MEGF9: variants seen among roughly 807,000 people sequenced by gnomAD.
The protein encoded by MEGF9 is multiple EGF like domains 9.
MEGF9 carries 6 observed loss-of-function variants against 46.8 expected under a neutral mutation model. The observed-to-expected ratio is 0.13, with a 90% CI of 0.07 to 0.25. The LOEUF is 0.25. Among genes scored for constraint, MEGF9 ranks in the 10% least tolerant of loss-of-function variants. The probability of loss-of-function intolerance (pLI) is 1.00; values close to 1 mark genes in which losing one functional copy is unlikely to be tolerated. For missense variants in MEGF9, 683 were observed against 792.4 expected, an observed-to-expected ratio of 0.86 and a Z score of 1.66; for synonymous variants, 302 against 330.7, an observed-to-expected ratio of 0.91 and a Z score of 0.94.
chr9:120,669,985 T>G (rs1169278725), intron 1 of MEGF9, among the ~76,000 whole-genome samples: 1 of 152,200 alleles, frequency 6.6e-6, no homozygotes, highest in Admixed American at 6.5e-5. Flanking sequence ...TTGGAATAAT[T>G]CAACAAGTTT....
Position 120,605,176 on chromosome 9 carries a change from A to G in MEGF9, c.*14T>C, listed in dbSNP as rs759691534. On this transcript the variant is annotated 3_prime_UTR_variant, in exon 6 of 6. Coordinates refer to ENST00000373930, the MANE Select transcript of MEGF9 (RefSeq NM_001080497.3). This position sits in a 1 kb window ranked among gnomAD's most constrained non-coding sequence, Gnocchi z 4.0. The stretch of plus-strand genomic sequence containing the variant: ...AAGCACTGTGGTTTAACAATTCAGA[A>G]CAGTTCTAGCTCCTTAGGCTTTGTA... 1.6e-5 allele frequency: 26 copies of G among 1,600,160 alleles called. No individual in the cohort carries two copies. Among genetic ancestry groups the G allele is most frequent in the Non-Finnish European group, 1.7e-5 (20 of 1,172,966 alleles).
chr9:120,625,235 G>A (rs536202020), intron 2 of MEGF9, among the ~76,000 whole-genome samples: 3 of 152,374 alleles, frequency 2.0e-5, no homozygotes, highest in Admixed American at 2.0e-4. Context: ...CCTAGGCAGA[G>A]CTGATTTATC....
At chr9:120,672,503 C>A (rs1162578168) in intron 1 of MEGF9, among the ~76,000 whole-genome samples, 2 of 151,958 alleles carry the variant, frequency 1.3e-5, no homozygotes, top group African/African-American at 4.8e-5. Context: ...TGCCTGTAGT[C>A]TCGGCTATTC....
intron 1 of MEGF9, among the ~76,000 whole-genome samples, chr9:120,700,938 A>C (rs1340671219): frequency 6.6e-6 from 1 of 150,946 alleles, no homozygotes; most frequent in Non-Finnish European, 1.5e-5. Context: ...AATAATAATA[A>C]TAATTAATTT....
chr9:120,703,001 C>T (rs1319943956), intron 1 of MEGF9, among the ~76,000 whole-genome samples: 25 of 152,184 alleles, frequency 1.6e-4, no homozygotes, highest in Non-Finnish European at 1.5e-5. Flanking sequence ...CTTAGCTACC[C>T]TTTCTACAAA....
chr9:120,660,526 A>AT (rs953539868), intron 1 of MEGF9, among the ~76,000 whole-genome samples: 59 of 151,106 alleles, frequency 3.9e-4, no homozygotes, highest in African/African-American at 9.5e-4. Context: ...CATTCTTTCT[A>AT]TTTTTTTTTG....
chr9:120,612,631 GA>G, intron 3 of MEGF9, 92 bp from the exon 4 acceptor site: 1 of 1,161,380 alleles, frequency 8.6e-7, no homozygotes, highest in Non-Finnish European at 1.2e-6. Flanking sequence ...AAGATCATAA[GA>G]AAAAGAAAAA....
intron 2 of MEGF9, among the ~76,000 whole-genome samples, chr9:120,650,037 C>T (rs1587984036): frequency 6.6e-6 from 1 of 152,042 alleles, no homozygotes; most frequent in African/African-American, 2.4e-5. Flanking sequence ...GAGGCTGAGT[C>T]GGGTGGATCA....
Position 120,714,048 on chromosome 9 carries a change from G to A in MEGF9, c.311C>T (p.Pro104Leu). 1.5e-6 allele frequency: 2 copies of A among 1,310,884 alleles called. No homozygotes were observed. Among genetic ancestry groups the A allele is most frequent in the East Asian group, 2.9e-5 (1 of 34,730 alleles). The allele number at this position is 1,310,884 out of a possible 1,614,324, so 81.2% of individuals were successfully genotyped here. A position where few individuals can be genotyped will look rare whatever the true frequency, so the allele number is the denominator to read the frequency against. Residue 104 changes from proline to leucine, a missense_variant, in exon 1 of 6, where the codon CCT (proline) becomes CTT (leucine). By Grantham distance (98) the Pro-to-Leu change is moderately conservative (BLOSUM62 -3). Around this residue, in one of 2 missense-constraint regions of MEGF9, gnomAD observed 370 missense variants for 371.3 expected, o/e 1.00. Coordinates refer to ENST00000373930, the MANE Select transcript of MEGF9 (RefSeq NM_001080497.3). Reference protein sequence around the residue: ...TSPAQSPETTPLWATAGPSST... With the variant: ...TSPAQSPETTLLWATAGPSST... ...AGAGGGTCCAGCAGTCGCCCAAAGA[G>A]GGGTGGTCTCCGGGGACTGGGCTGG...
chr9:120,685,794 A>G (rs948852545), intron 1 of MEGF9, among the ~76,000 whole-genome samples: 6 of 152,218 alleles, frequency 3.9e-5, no homozygotes, highest in African/African-American at 1.4e-4. Flanking sequence ...AGCACTATTC[A>G]CAATACTCAA....
intron 2 of MEGF9, among the ~76,000 whole-genome samples, chr9:120,656,171 A>G (rs536494013): frequency 3.6e-4 from 55 of 152,312 alleles, no homozygotes; most frequent in African/African-American, 1.3e-3. Flanking sequence ...AAATTAGTCA[A>G]GTTAACTATA....
intron 4 of MEGF9, among the ~76,000 whole-genome samples, chr9:120,608,471 T>C (rs2043429880): frequency 6.6e-6 from 1 of 152,200 alleles, no homozygotes; most frequent in African/African-American, 2.4e-5. Flanking sequence ...AAAAACTTCC[T>C]CCATCCCTCC....
chr9:120,677,874 T>A (rs547005490), intron 1 of MEGF9, among the ~76,000 whole-genome samples: 25 of 152,066 alleles, frequency 1.6e-4, no homozygotes, highest in Non-Finnish European at 3.4e-4. Flanking sequence ...GTTTCGAGAG[T>A]ATATTTTATT....
At chr9:120,662,535 G>A (rs1010207237) in intron 1 of MEGF9, among the ~76,000 whole-genome samples, 3 of 152,136 alleles carry the variant, frequency 2.0e-5, no homozygotes, top group South Asian at 2.1e-4. Flanking sequence ...GATTAAATCC[G>A]GCTCTCTCAC....
intron 2 of MEGF9, among the ~76,000 whole-genome samples, chr9:120,658,813 A>G (rs868287455): frequency 6.6e-6 from 1 of 152,206 alleles, no homozygotes; most frequent in Non-Finnish European, 1.5e-5. Flanking sequence ...TCCAAATAAC[A>G]TAATAGTTTA....
chr9:120,646,048 T>C (rs2043625023), intron 2 of MEGF9, among the ~76,000 whole-genome samples: 2 of 152,118 alleles, frequency 1.3e-5, no homozygotes. Context: ...AAGTTCAACT[T>C]AGAAATACAA....
At chr9:120,621,664 A>AT (rs947187127) in intron 3 of MEGF9, among the ~76,000 whole-genome samples, 1 of 151,336 alleles carries the variant, frequency 6.6e-6, no homozygotes, top group African/African-American at 2.4e-5. Context: ...TCCATTGCTC[A>AT]TTTTTTTTCT....
At position 120,601,494 on chromosome 9, in the gene MEGF9, A is replaced by C. The variant is rs1170526653; in HGVS notation, c.*3696T>G. On this transcript the variant is annotated 3_prime_UTR_variant, in exon 6 of 6. Coordinates refer to ENST00000373930, the MANE Select transcript of MEGF9 (RefSeq NM_001080497.3). The stretch of plus-strand genomic sequence containing the variant: ...ACTCAGCTGACCAAAATAAACTAGT[A>C]GGTCAGTGAGTATTGCTTTAATGGT... 1 of 152,220 alleles carries C rather than the reference A, an allele frequency of 6.6e-6. No individual in the cohort carries two copies. Among genetic ancestry groups the C allele is most frequent in the Non-Finnish European group, 1.5e-5 (1 of 68,042 alleles). 9.4% of individuals were successfully genotyped at this position (152,220 alleles called of 1,614,324 possible).
chr9:120,670,011 A>C (rs10491784), intron 1 of MEGF9, among the ~76,000 whole-genome samples: 90,566 of 152,066 alleles, frequency 0.6, 29,374 homozygotes, highest in South Asian at 0.75. Context: ...AGTCATAAAA[A>C]AGGTAGAAGA....
Sources: allele counts gnomAD v4.1 joint callset (sites outside exome capture counted in the v4.1 genomes callset), GRCh38; gene constraint gnomAD v4.1.1; regional missense constraint gnomAD v4.1.1; non-coding constraint Gnocchi (gnomAD v3.1); transcripts MANE v1.5; gene names NCBI Gene and HGNC (gene_info 2026-07-23, HGNC 2026-07-21).